The following AGO3 variants were observed in gnomAD, a reference collection of about 807,000 sequenced individuals.
The protein encoded by AGO3 is argonaute RISC catalytic component 3.
A neutral mutation model predicts 105.5 loss-of-function variants in AGO3; 16 were observed. The ratio of observed to expected loss-of-function variants is 0.15; its 90% CI spans 0.10 to 0.23. The LOEUF is 0.23. Ranked by LOEUF, AGO3 falls within the 10% of genes least tolerant of loss-of-function variation. AGO3 has a pLI of 1.00. For synonymous variants in AGO3, 340 were observed against 367.3 expected, an observed-to-expected ratio of 0.93 and a Z score of 0.85; for missense variants, 534 against 1,088.0, an observed-to-expected ratio of 0.49 and a Z score of 7.16.
intron 5 of AGO3, among the ~76,000 whole-genome samples, chr1:36,003,709 A>AAAAAAAAAAT (rs1295618675): frequency 1.9e-4 from 19 of 99,428 alleles, no homozygotes; most frequent in African/African-American, 3.6e-4. Flanking sequence ...AAAAAAAAAA[A>AAAAAAAAAAT]ATATATATAT....
At chr1:36,049,256 A>G (rs934009358) in intron 17 of AGO3, among the ~76,000 whole-genome samples, 1 of 151,956 alleles carries the variant, frequency 6.6e-6, no homozygotes, top group African/African-American at 2.4e-5. Context: ...GCAGTGGCTC[A>G]CGCCTGTAAT....
chr1:36,015,538 TGACCA>T (rs1640861561), intron 11 of AGO3, among the ~76,000 whole-genome samples: 1 of 152,208 alleles, frequency 6.6e-6, no homozygotes, highest in Non-Finnish European at 1.5e-5. Flanking sequence ...GCCTTTCTGG[TGACCA>T]GACCCCATCC....
intron 5 of AGO3, among the ~76,000 whole-genome samples, chr1:35,986,110 C>T (rs1176713384): frequency 6.6e-6 from 1 of 152,208 alleles, no homozygotes; most frequent in Non-Finnish European, 1.5e-5. Context: ...AAGGAACTCT[C>T]ACACATTGTT....
At chr1:36,019,848 A>G (rs1641122008) in intron 11 of AGO3, among the ~76,000 whole-genome samples, 1 of 152,050 alleles carries the variant, frequency 6.6e-6, no homozygotes, top group Admixed American at 6.6e-5. Flanking sequence ...GGCTCACTGC[A>G]ACTTCCACCT....
At chr1:35,978,452 C>T (rs971968258) in intron 5 of AGO3, among the ~76,000 whole-genome samples, 1 of 152,104 alleles carries the variant, frequency 6.6e-6, no homozygotes, top group Non-Finnish European at 1.5e-5. Flanking sequence ...TCCGCCTTCC[C>T]AAGTGCTGGG....
intron 2 of AGO3, among the ~76,000 whole-genome samples, chr1:35,965,084 G>T (rs1286795270): frequency 6.6e-6 from 1 of 151,424 alleles, no homozygotes; most frequent in African/African-American, 2.4e-5. Flanking sequence ...ATTTGATTGG[G>T]TTTCCCAGAA....
intron 1 of AGO3, 49 bp downstream of exon 1, chr1:35,931,494 C>T (rs766553777): frequency 2.8e-6 from 4 of 1,408,570 alleles, no homozygotes; most frequent in East Asian, 5.8e-5. Flanking sequence ...CAGCTACTGT[C>T]CTCTGAGCAT....
chr1:36,009,322 G>C lies in AGO3; in HGVS notation c.1030-153G>C. 3 of 919,426 alleles carry C rather than the reference G, an allele frequency of 3.3e-6. No individual in the cohort carries two copies. In the East Asian group the frequency reaches 8.2e-5, roughly 25 times the overall value. The allele number at this position is 919,426 out of a possible 1,614,324, so 57.0% of individuals were successfully genotyped here. A position where few individuals can be genotyped will look rare whatever the true frequency, so the allele number is the denominator to read the frequency against. ...CTTAATTATACTTAATTACTGTAGA[G>C]CTGTCTTGTTTACTACTTTTTTACT... On this transcript the variant is annotated intron_variant, in intron 8 of 18. Transcript: ENST00000373191.
chr1:36,004,178 T>C (rs964619156), intron 5 of AGO3, 163 bp from the exon 6 acceptor site: 1 of 551,756 alleles, frequency 1.8e-6, no homozygotes. Context: ...TATTTGTGCC[T>C]CAGAGGTCAA....
intron 1 of AGO3, 64 bp from the exon 2 acceptor site, chr1:35,945,628 G>A (rs967755271): frequency 6.5e-7 from 1 of 1,526,840 alleles, no homozygotes; most frequent in African/African-American, 1.4e-5. Context: ...ATATACTCTG[G>A]TTGACAAGGC....
intron 1 of AGO3, among the ~76,000 whole-genome samples, chr1:35,938,940 A>G (rs1319146052): frequency 6.6e-6 from 1 of 152,152 alleles, no homozygotes; most frequent in Admixed American, 6.5e-5. Context: ...AGTGAACAAC[A>G]TGGACACATG....
chr1:36,017,509 A>G (rs1357474296), intron 11 of AGO3, among the ~76,000 whole-genome samples: 1 of 152,230 alleles, frequency 6.6e-6, no homozygotes, highest in Non-Finnish European at 1.5e-5. Flanking sequence ...TTGTATAACC[A>G]TAGTCTTTGC....
At chr1:36,032,711 T>C (rs1196730861) in intron 12 of AGO3, among the ~76,000 whole-genome samples, 1 of 151,004 alleles carries the variant, frequency 6.6e-6, no homozygotes, top group Non-Finnish European at 1.5e-5. Context: ...GAAGTTATGC[T>C]GGGTGCAGTG....
intron 11 of AGO3, among the ~76,000 whole-genome samples, chr1:36,015,416 C>A (rs528396771): frequency 6.6e-6 from 1 of 152,238 alleles, no homozygotes; most frequent in South Asian, 2.1e-4. Flanking sequence ...ATTACATAGG[C>A]CTCATTGATT....
chr1:36,025,996 G>T (rs930323285), intron 11 of AGO3, among the ~76,000 whole-genome samples: 4 of 151,682 alleles, frequency 2.6e-5, no homozygotes, highest in African/African-American at 4.8e-5. Context: ...AGTTGTGATT[G>T]TATCACTGCA....
chr1:36,047,761 G>A (rs1642536180), intron 17 of AGO3, among the ~76,000 whole-genome samples: 2 of 151,900 alleles, frequency 1.3e-5, no homozygotes, highest in Admixed American at 1.3e-4. Flanking sequence ...TGCACCTGTA[G>A]TCCCAGCTAC....
At chr1:35,972,001 G>A in intron 3 of AGO3, 23 bp from the exon 4 acceptor site, 1 of 1,598,504 alleles carries the variant, frequency 6.3e-7, no homozygotes, top group Non-Finnish European at 8.6e-7. Context: ...ACATTTACCA[G>A]TTGACTCTTT....
upstream of AGO3, chr1:35,930,968 T>C (rs919528829): frequency 9.6e-5 from 31 of 322,858 alleles, no homozygotes; most frequent in Non-Finnish European, 1.6e-4. Context: ...CCCGGACACC[T>C]CCCCGGCGTC....
At chr1:36,038,418 G>A (rs987463847) in intron 14 of AGO3, among the ~76,000 whole-genome samples, 1 of 151,972 alleles carries the variant, frequency 6.6e-6, no homozygotes, top group Non-Finnish European at 1.5e-5. Flanking sequence ...GACACACCCG[G>A]CTAATTTTTT....
Sources: allele counts gnomAD v4.1 joint callset (sites outside exome capture counted in the v4.1 genomes callset), GRCh38; gene constraint gnomAD v4.1.1; transcripts MANE v1.5; gene names NCBI Gene and HGNC (gene_info 2026-07-23, HGNC 2026-07-21).